Variants in PCDH9 observed in about 807,000 individuals in gnomAD.
PCDH9 encodes protocadherin 9.
A neutral mutation model predicts 70.6 loss-of-function variants in PCDH9; 24 were observed. The observed-to-expected ratio is 0.34, with a 90% CI of 0.25 to 0.48. PCDH9 has a LOEUF of 0.48. Among genes scored for constraint, PCDH9 ranks in the 20% least tolerant of loss-of-function variants. PCDH9 has a pLI of 0.99. For missense variants in PCDH9, 1,281 were observed against 1,503.6 expected (o/e 0.85, Z 2.45); for synonymous variants, 562 against 558.5 (o/e 1.01, Z -0.09).
At chr13:66,988,574 T>A (rs1318226969) in intron 2 of PCDH9, among the ~76,000 whole-genome samples, 1 of 152,022 alleles carries the variant, frequency 6.6e-6, no homozygotes, top group Non-Finnish European at 1.5e-5. Context: ...TATAAGGTTG[T>A]GATTGCTTAG....
chr13:66,743,855 C>G (rs1282513909), intron 3 of PCDH9, among the ~76,000 whole-genome samples: 1 of 151,826 alleles, frequency 6.6e-6, no homozygotes, highest in Non-Finnish European at 1.5e-5. Context: ...GAAAACAAAA[C>G]ACAAGTAGTG....
intron 3 of PCDH9, among the ~76,000 whole-genome samples, chr13:66,779,849 C>CTCTCTATATATA (rs1395244975): frequency 2.9e-3 from 226 of 78,882 alleles, no homozygotes; most frequent in African/African-American, 3.8e-3. Context: ...CTCTCTCTCT[C>CTCTCTATATATA]TATATATATA....
chr13:67,226,551 A>G lies in PCDH9; in HGVS notation c.1890T>C (p.Asn630=), dbSNP rs1034671903. 1 of 1,613,980 alleles carries G rather than the reference A, an allele frequency of 6.2e-7. No homozygotes were observed. Among genetic ancestry groups the G allele is most frequent in the African/African-American group, 1.3e-5 (1 of 75,046 alleles). ...TCTGCTGCTCTCTATCAAATGAGACATTTGACTTTATGACTCCAGAATAGG... is the reference window on the plus strand; with the variant it reads ...TCTGCTGCTCTCTATCAAATGAGACGTTTGACTTTATGACTCCAGAATAGG... ...LDPYSGVIKS[N]VSFDREQQSS... is the part of the protein sequence containing the mutation. The change falls in exon 2 of 5, where the codon AAT becomes AAC. Residue 630 remains asparagine, a synonymous_variant. Coordinates refer to ENST00000377865, the MANE Select transcript of PCDH9 (RefSeq NM_203487.3). The surrounding 1 kb of genome is among the most constrained non-coding windows in gnomAD (Gnocchi z 5.0).
intron 2 of PCDH9, among the ~76,000 whole-genome samples, chr13:67,146,827 A>C (rs898867222): frequency 6.6e-6 from 1 of 152,178 alleles, no homozygotes; most frequent in Non-Finnish European, 1.5e-5. Context: ...CTTCCACTTA[A>C]GAGTTGTTTT....
chr13:67,218,486 G>T (rs751483933), intron 2 of PCDH9: 1 of 151,950 alleles, frequency 6.6e-6, no homozygotes, highest in Non-Finnish European at 1.5e-5. Flanking sequence ...ATCCTGAAAG[G>T]GATTAGAGTG....
chr13:66,832,028 G>A lies in PCDH9; in HGVS notation c.3138+71476C>T, dbSNP rs187983151. ...CAGCTGTGTGCCTGTATTGGGTACA[G>A]ACCAAAACATAGGAGGCCACTACAG... On this transcript the variant is annotated intron_variant, in intron 3 of 4. Transcript: ENST00000377865. Among the ~76,000 whole-genome samples, 1,099 of 152,164 alleles carry A rather than the reference G, an allele frequency of 7.2e-3. 17 individuals carry two copies. The highest frequency in any genetic ancestry group is 0.017 in the Middle Eastern group (5 of 294).
At chr13:66,850,207 A>C (rs1335662473) in intron 3 of PCDH9, among the ~76,000 whole-genome samples, 2 of 152,236 alleles carry the variant, frequency 1.3e-5, no homozygotes, top group Non-Finnish European at 2.9e-5. Context: ...TTTGATGGTA[A>C]GGTACAACTA....
At chr13:66,523,126 C>A (rs777454480) in intron 4 of PCDH9, among the ~76,000 whole-genome samples, 10 of 151,958 alleles carry the variant, frequency 6.6e-5, no homozygotes, top group Non-Finnish European at 1.5e-4. Context: ...GAATCATCAG[C>A]ATTCTTGAAA....
chr13:66,727,542 G>A (rs2079021371), intron 3 of PCDH9, among the ~76,000 whole-genome samples: 1 of 151,990 alleles, frequency 6.6e-6, no homozygotes, highest in Non-Finnish European at 1.5e-5. Context: ...AATTTTAAGG[G>A]AAGTTAAATT....
At chr13:66,849,345 T>C (rs905303500) in intron 3 of PCDH9, among the ~76,000 whole-genome samples, 1 of 151,870 alleles carries the variant, frequency 6.6e-6, no homozygotes, top group Non-Finnish European at 1.5e-5. Flanking sequence ...TTTGATGAAT[T>C]ATCAGGTTTG....
At chr13:66,761,763 T>G (rs946096771) in intron 3 of PCDH9, among the ~76,000 whole-genome samples, 2 of 152,186 alleles carry the variant, frequency 1.3e-5, no homozygotes, top group Non-Finnish European at 2.9e-5. Flanking sequence ...CGGATAACAT[T>G]GTTTTTCTCA....
At chr13:67,141,439 T>TTTA (rs1196743156) in intron 2 of PCDH9, among the ~76,000 whole-genome samples, 28 of 151,556 alleles carry the variant, frequency 1.8e-4, no homozygotes, top group African/African-American at 6.1e-4. Flanking sequence ...CTCTCTTTAT[T>TTTA]TTATTATTAT....
At chr13:66,743,449 C>G (rs1445832755) in intron 3 of PCDH9, among the ~76,000 whole-genome samples, 1 of 147,762 alleles carries the variant, frequency 6.8e-6, no homozygotes, top group Non-Finnish European at 1.5e-5. Flanking sequence ...ACATATGTAA[C>G]TAACCTGCAC....
chr13:66,720,326 G>GTTTTTTTT (rs66600272), intron 3 of PCDH9, among the ~76,000 whole-genome samples: 1 of 132,032 alleles, frequency 7.6e-6, no homozygotes, highest in Non-Finnish European at 1.6e-5. Context: ...TTGCTTTTTT[G>GTTTTTTTT]TTTTTTTTTT....
At chr13:66,719,466 G>A (rs2078913255) in intron 3 of PCDH9, among the ~76,000 whole-genome samples, 1 of 152,084 alleles carries the variant, frequency 6.6e-6, no homozygotes, top group South Asian at 2.1e-4. Flanking sequence ...CACCATGTGA[G>A]GACTCAGTAA....
intron 3 of PCDH9, among the ~76,000 whole-genome samples, chr13:66,797,571 T>C (rs563448402): frequency 6.6e-6 from 1 of 152,242 alleles, no homozygotes; most frequent in East Asian, 1.9e-4. Flanking sequence ...TGTAGATAAA[T>C]CGCTAAGTGC....
In PCDH9 at chr13:66,304,369, C is replaced by A; in HGVS notation, c.*286G>T. 4.3e-6 allele frequency: 1 copy of A among 233,610 alleles called. No individual in the cohort carries two copies. Among genetic ancestry groups the A allele is most frequent in the Non-Finnish European group, 8.3e-6 (1 of 119,940 alleles). The allele number at this position is 233,610 out of a possible 1,614,324, so 14.5% of individuals were successfully genotyped here. ...CTTTCCAAATGCATATTCTATTGTTCATAGCAGCAGTCCAGGGTCAAAATA... is the reference window on the plus strand; with the variant it reads ...CTTTCCAAATGCATATTCTATTGTTAATAGCAGCAGTCCAGGGTCAAAATA... On this transcript the variant is annotated 3_prime_UTR_variant, in exon 5 of 5. Coordinates refer to ENST00000377865, the MANE Select transcript of PCDH9 (RefSeq NM_203487.3).
At chr13:67,165,308 T>G (rs1293507238) in intron 2 of PCDH9, among the ~76,000 whole-genome samples, 1 of 152,150 alleles carries the variant, frequency 6.6e-6, no homozygotes, top group Non-Finnish European at 1.5e-5. Context: ...AATTGTTGTT[T>G]ATCTGATTTT....
At position 67,061,147 on chromosome 13, in the gene PCDH9, A is replaced by T. The variant is rs530496004; in HGVS notation, c.3037-157542T>A. 2.6e-5 allele frequency among the ~76,000 whole-genome samples: 4 copies of T among 152,196 alleles called. No individual in the cohort carries two copies. In the South Asian group the frequency reaches 6.2e-4, roughly 24 times the overall value. ...AGCAGCAGTAAAAACAAAAACAAAA[A>T]CTTAAACCTTTTCTTTCAAATAAGT... On this transcript the variant is annotated intron_variant, in intron 2 of 4. Coordinates refer to ENST00000377865, the MANE Select transcript of PCDH9 (RefSeq NM_203487.3).
Sources: gnomAD v4.1 joint callset for allele counts (sites outside exome capture counted in the v4.1 genomes callset) on GRCh38, gnomAD v4.1.1 for gene constraint, Gnocchi (gnomAD v3.1) non-coding constraint, MANE v1.5 for transcripts, NCBI Gene and HGNC (gene_info 2026-07-23, HGNC 2026-07-21) for gene names.